IL34: variants seen among roughly 807,000 people sequenced by gnomAD.
The protein encoded by IL34 is interleukin 34.
IL34 carries 17 observed loss-of-function variants against 25.3 expected under a neutral mutation model. That is an observed-to-expected ratio of 0.67 (90% CI 0.46 to 1.01). IL34 has a LOEUF of 1.01. Ranked by LOEUF, IL34 falls within the 50% of genes least tolerant of loss-of-function variation. IL34 has a pLI of 0.00. For missense variants in IL34, 368 were observed against 312.9 expected (o/e 1.18, Z -1.33); for synonymous variants, 174 against 140.9 (o/e 1.23, Z -1.66).
At position 70,656,947 on chromosome 16, in the gene IL34, C is replaced by T. The variant is rs1443198879; in HGVS notation, c.241-13C>T. Reference sequence around the variant, plus strand: ...ATGTCTCCCGAGTTGCAGTGACTTCCCTGTTTCCGCAGCAGAGGGCCCAGG... The same window carrying T: ...ATGTCTCCCGAGTTGCAGTGACTTCTCTGTTTCCGCAGCAGAGGGCCCAGG... On this transcript the variant is annotated splice_polypyrimidine_tract_variant and intron_variant, in intron 3 of 5. Coordinates refer to ENST00000288098, the MANE Select transcript of IL34 (RefSeq NM_001393494.1). The T allele has an allele frequency of 6.3e-7, 1 of 1,598,946 alleles. No individual in the cohort carries two copies. Among genetic ancestry groups the T allele is most frequent in the South Asian group, 1.1e-5 (1 of 89,012 alleles).
rs756450696 is a variant in IL34, at chr16:70,660,235, C to G, written c.*48C>G. 4.0e-6 allele frequency: 6 copies of G among 1,489,186 alleles called. No homozygotes were observed. The Admixed American group carries it at 1.1e-4, about 28-fold the overall frequency. 92.2% of individuals were successfully genotyped at this position (1,489,186 alleles called of 1,614,324 possible). A position where few individuals can be genotyped will look rare whatever the true frequency, so the allele number is the denominator to read the frequency against. On this transcript the variant is annotated 3_prime_UTR_variant, in exon 6 of 6. Coordinates refer to ENST00000288098, the MANE Select transcript of IL34 (RefSeq NM_001393494.1). ...ATAGGGGCAGCCAGACCAGCTCCCA[C>G]AGGAGTTCAACTGGGTCTGAGACTT...
intron 1 of IL34, among the ~76,000 whole-genome samples, chr16:70,637,223 T>A (rs902923329): frequency 6.6e-6 from 1 of 152,148 alleles, no homozygotes; most frequent in Non-Finnish European, 1.5e-5. Flanking sequence ...TTTGCATGGA[T>A]GATCCTTCCC....
At chr16:70,644,978 GGGAGT>G, upstream of IL34, among the ~76,000 whole-genome samples, 2 of 146,076 alleles carry the variant, frequency 1.4e-5, no homozygotes, top group Admixed American at 6.8e-5. Context: ...GGAAGAGAAA[GGGAGT>G]AGGAGGAAGG....
At chr16:70,622,386 A>C (rs2051300904) in intron 1 of IL34, among the ~76,000 whole-genome samples, 1 of 151,748 alleles carries the variant, frequency 6.6e-6, no homozygotes. Flanking sequence ...ATCCCTGAGG[A>C]GTAGTAGAAC....
At chr16:70,585,480 G>GATTGA (rs1267790302) in intron 1 of IL34, among the ~76,000 whole-genome samples, 2 of 152,020 alleles carry the variant, frequency 1.3e-5, no homozygotes, top group Non-Finnish European at 2.9e-5. Context: ...ATTACGAGGA[G>GATTGA]ATTGAGACCA....
rs774533355 is a variant in IL34, at chr16:70,654,664, A to T, written c.155A>T (p.Gln52Leu). The T allele has an allele frequency of 8.1e-6, 13 of 1,604,828 alleles. No individual in the cohort carries two copies. The Admixed American group carries it at 8.4e-5, about 10-fold the overall frequency. ...AAGCTGCAGTACAGGAGCCGACTTC[A>T]GTACATGGTAACCACGTGGGCACCA... Reference protein sequence around the residue: ...RDKLQYRSRLQYMKHYFPINY... With the variant: ...RDKLQYRSRLLYMKHYFPINY... Residue 52 changes from glutamine to leucine, a missense_variant, in exon 2 of 6, where the codon CAG becomes CTG. Physicochemically the swap from Gln to Leu is moderately radical, Grantham distance 113. Transcript: ENST00000288098.
chr16:70,643,739 A>G (rs2051841517), upstream of IL34, among the ~76,000 whole-genome samples: 1 of 152,262 alleles, frequency 6.6e-6, no homozygotes, highest in African/African-American at 2.4e-5. Context: ...AAAAGAAAAA[A>G]GACTTAAGAT....
intron 1 of IL34, among the ~76,000 whole-genome samples, chr16:70,587,999 A>ACTG (rs1215615508): frequency 1.3e-5 from 2 of 152,134 alleles, no homozygotes; most frequent in African/African-American, 4.8e-5. Context: ...AGGTCGCGCC[A>ACTG]CTGCACTCTA....
chr16:70,629,219 C>T lies in IL34; in HGVS notation c.-400-17329C>T, dbSNP rs533873937. On this transcript the variant is annotated intron_variant, in intron 1 of 6. Transcript: ENST00000429149. Reference sequence around the variant, plus strand: ...TTGTTTGCTGATGTAATTGCATTGGCTATTACCTTCTGTGTAATGGTAGTG... The same window carrying T: ...TTGTTTGCTGATGTAATTGCATTGGTTATTACCTTCTGTGTAATGGTAGTG... Among the ~76,000 whole-genome samples the T allele has an allele frequency of 1.1e-4, 16 of 152,306 alleles. No individual in the cohort carries two copies. In the South Asian group the frequency reaches 2.3e-3, roughly 22 times the overall value.
In IL34 at chr16:70,650,014, G is replaced by C. The variant is rs1201019519; in HGVS notation, c.28+3039G>C. Among the ~76,000 whole-genome samples the C allele has an allele frequency of 2.6e-5, 4 of 152,166 alleles. No individual in the cohort carries two copies. The South Asian group carries it at 8.3e-4, about 32-fold the overall frequency. ...GGGTTTCACCATGTTGGCCAGACTG[G>C]TCTTGAACTCCTGACCTCAGGTGAT... is the stretch of plus-strand genomic sequence containing the variant. On this transcript the variant is annotated intron_variant, in intron 1 of 5. Coordinates refer to ENST00000288098, the MANE Select transcript of IL34 (RefSeq NM_001393494.1).
intron 1 of IL34, among the ~76,000 whole-genome samples, chr16:70,621,201 C>T (rs2051274285): frequency 6.6e-6 from 1 of 152,048 alleles, no homozygotes; most frequent in Admixed American, 6.6e-5. Context: ...AGGCAGGCGT[C>T]CCTGCATGGT....
At chr16:70,611,274 C>T (rs768084463) in intron 1 of IL34, among the ~76,000 whole-genome samples, 13 of 152,090 alleles carry the variant, frequency 8.5e-5, no homozygotes, top group Non-Finnish European at 1.6e-4. Flanking sequence ...GGGTTGGTGC[C>T]CCCAGATTGC....
chr16:70,638,118 G>A (rs958271181), intron 1 of IL34, among the ~76,000 whole-genome samples: 4 of 152,152 alleles, frequency 2.6e-5, no homozygotes, highest in Non-Finnish European at 5.9e-5. Context: ...CACTCTGCCA[G>A]AAGCCATGGG....
intron 1 of IL34, among the ~76,000 whole-genome samples, chr16:70,631,817 G>C (rs1235794517): frequency 6.6e-6 from 1 of 152,070 alleles, no homozygotes; most frequent in Non-Finnish European, 1.5e-5. Flanking sequence ...CCTCAGACAA[G>C]TTACCTCATC....
At chr16:70,618,993 T>C (rs1286262236) in intron 1 of IL34, among the ~76,000 whole-genome samples, 2 of 151,964 alleles carry the variant, frequency 1.3e-5, no homozygotes, top group African/African-American at 2.4e-5. Context: ...GAGGCAGGTA[T>C]TGAGGATAGG....
intron 1 of IL34, among the ~76,000 whole-genome samples, chr16:70,647,465 G>A (rs894160560): frequency 3.3e-5 from 5 of 152,132 alleles, no homozygotes; most frequent in African/African-American, 9.7e-5. Context: ...AAAGCAGAAA[G>A]ATAACACTGT....
chr16:70,626,726 A>C (rs376560935), intron 1 of IL34, among the ~76,000 whole-genome samples: 13 of 152,098 alleles, frequency 8.5e-5, no homozygotes, highest in African/African-American at 3.1e-4. Context: ...GTTTTCTTCT[A>C]TTATTTTATA....
In IL34 at chr16:70,610,024, C is replaced by T. The variant is rs187112431; in HGVS notation, c.-401+29975C>T. On this transcript the variant is annotated intron_variant, in intron 1 of 6. Coordinates refer to the IL34 transcript ENST00000429149. ...TTTGAGACCAGCCTGGCCAACACGG[C>T]GAAACCGTCTCTACTAAAAATACAA... Among the ~76,000 whole-genome samples the T allele has an allele frequency of 2.3e-4, 35 of 152,084 alleles. No individual in the cohort carries two copies. In the East Asian group the frequency reaches 4.1e-3, roughly 18 times the overall value.
At chr16:70,581,216 T>C (rs1477678375) in intron 1 of IL34, among the ~76,000 whole-genome samples, 1 of 152,096 alleles carries the variant, frequency 6.6e-6, no homozygotes, top group Non-Finnish European at 1.5e-5. Context: ...CCGGCCAACT[T>C]TGCACTTACT....
Sources: gnomAD v4.1 joint callset for allele counts (sites outside exome capture counted in the v4.1 genomes callset) on GRCh38, gnomAD v4.1.1 for gene constraint, MANE v1.5 for transcripts, NCBI Gene and HGNC (gene_info 2026-07-23, HGNC 2026-07-21) for gene names.